Variants in EXOSC10 observed in about 807,000 individuals in gnomAD.
EXOSC10 encodes exosome component 10.
A neutral mutation model predicts 126.6 loss-of-function variants in EXOSC10; 94 were observed. The observed-to-expected ratio is 0.74, with a 90% confidence interval of 0.63 to 0.88. The LOEUF (loss-of-function observed/expected upper bound fraction) is 0.88, where lower values mean the gene tolerates loss of function less well. EXOSC10 is among the 40% of genes least tolerant of loss of function. The pLI is 0.00. For synonymous variants in EXOSC10, 395 were observed against 400.8 expected (o/e 0.99, Z 0.17); for missense variants, 1,041 against 1,100.5 (o/e 0.95, Z 0.77).
chr1:11,077,277 C>T, intron 16 of EXOSC10, 88 bp downstream of exon 16: 1 of 1,382,020 alleles, frequency 7.2e-7, no homozygotes, highest in Admixed American at 1.9e-5. Flanking sequence ...AGGCATAAGC[C>T]ACCACGCCCG....
intron 3 of EXOSC10, among the ~76,000 whole-genome samples, chr1:11,094,807 G>A (rs1321797865): frequency 2.0e-5 from 3 of 151,884 alleles, no homozygotes; most frequent in Admixed American, 2.0e-4. Flanking sequence ...CACCATGTTG[G>A]CCAGACTGGT....
rs572252392 is a variant in EXOSC10 at position 11,082,327 on chromosome 1, G to A, written c.1280+361C>T. On this transcript the variant is annotated intron_variant, in intron 10 of 24. Transcript: ENST00000376936. ...TTTCCCACCTATGGAAGGTCATCTTGCACACACACACACACACACAATCAT... is the reference window on the plus strand; with the variant it reads ...TTTCCCACCTATGGAAGGTCATCTTACACACACACACACACACACAATCAT... 8.1e-3 allele frequency among the ~76,000 whole-genome samples: 1,212 copies of A among 149,498 alleles called. 25 individuals are homozygous for A. Among genetic ancestry groups the A allele is most frequent in the African/African-American group, 0.028 (1,145 of 40,824 alleles).
In EXOSC10 at chr1:11,066,692, C is replaced by G. The variant is rs1374748169; in HGVS notation, c.*26G>C. On this transcript the variant is annotated 3_prime_UTR_variant, in exon 25 of 25. Coordinates refer to ENST00000376936, the MANE Select transcript of EXOSC10 (RefSeq NM_001001998.3). ...AGCACCAGCATTTGGTGCTTCCGGT[C>G]CACAGGCGCCACGTGTCTTCCAGGA... 6.2e-7 allele frequency: 1 copy of G among 1,613,894 alleles called. No homozygotes were observed. The highest frequency in any genetic ancestry group is 8.5e-7 in the Non-Finnish European group (1 of 1,179,768).
intron 9 of EXOSC10, among the ~76,000 whole-genome samples, chr1:11,083,420 G>A (rs1180387356): frequency 1.3e-5 from 2 of 151,904 alleles, no homozygotes; most frequent in African/African-American, 2.4e-5. Flanking sequence ...AAATTAGCCG[G>A]GTGTGGTGGC....
At chr1:11,095,989 T>A in intron 2 of EXOSC10, 108 bp from the exon 3 acceptor site, 2 of 249,624 alleles carry the variant, frequency 8.0e-6, no homozygotes, top group Non-Finnish European at 1.3e-5. Flanking sequence ...CCAACACATC[T>A]TTTTTTTTTT....
rs759223353 is a variant in EXOSC10, at chr1:11,087,744, A to G, written c.945+56T>C. On this transcript the variant is annotated intron_variant, in intron 8 of 24. Coordinates refer to ENST00000376936, the MANE Select transcript of EXOSC10 (RefSeq NM_001001998.3). The stretch of plus-strand genomic sequence containing the variant: ...TTAGTATTAATTTTATACTTCTCCA[A>G]CAGGTGAACTCACAGAAAAATGTAA... 1.1e-4 allele frequency: 162 copies of G among 1,499,168 alleles called. 2 individuals are homozygous for G. The Middle Eastern group carries it at 1.6e-3, about 15-fold the overall frequency. The allele number at this position is 1,499,168 out of a possible 1,614,324, so 92.9% of individuals were successfully genotyped here.
intron 17 of EXOSC10, among the ~76,000 whole-genome samples, chr1:11,076,502 C>T (rs148821124): frequency 2.5e-4 from 38 of 152,332 alleles, no homozygotes; most frequent in South Asian, 4.1e-4. Flanking sequence ...TTTTCCTCCA[C>T]CACCACTGCA....
chr1:11,072,973 T>C (rs1639594306), intron 19 of EXOSC10: 1 of 152,168 alleles, frequency 6.6e-6, no homozygotes, highest in South Asian at 2.1e-4. Flanking sequence ...AGATAGAGTG[T>C]TTTAAAATTA....
intron 13 of EXOSC10, 124 bp downstream of exon 13, chr1:11,080,375 C>T: frequency 8.1e-7 from 1 of 1,231,312 alleles, no homozygotes; most frequent in Non-Finnish European, 1.2e-6. Flanking sequence ...TTGCTACCTT[C>T]CAAGCTTGGA....
At chr1:11,078,237 C>T (rs974062598) in intron 14 of EXOSC10, among the ~76,000 whole-genome samples, 1 of 151,914 alleles carries the variant, frequency 6.6e-6, no homozygotes, top group Non-Finnish European at 1.5e-5. Context: ...TGCACTCCAG[C>T]CTGGGTGTCA....
chr1:11,079,549 C>T (rs190345277), intron 14 of EXOSC10, among the ~76,000 whole-genome samples, 162 bp downstream of exon 14: 6 of 151,282 alleles, frequency 4.0e-5, no homozygotes, highest in East Asian at 2.0e-4. Context: ...GTGCACCACA[C>T]GCCTGGCTAA....
In EXOSC10 at chr1:11,095,769, G is replaced by T; in HGVS notation, c.361C>A (p.Leu121Met). The T allele has an allele frequency of 6.2e-7, 1 of 1,614,042 alleles. No individual in the cohort carries two copies. ...GGGAAAATACTCACCACTCTCTCCA[G>T]AATTACATCATTGGCATCAACTAGT... ...DLLVDANDVILERVGILLDEA... is the reference protein window; with the variant it reads ...DLLVDANDVIMERVGILLDEA... The change falls in exon 3 of 25, where the codon CTG becomes ATG. Residue 121 changes from leucine to methionine, a missense_variant. Transcript: ENST00000376936.
chr1:11,099,725 A>C lies in EXOSC10; in HGVS notation c.107T>G (p.Val36Gly). 1 of 1,607,692 alleles carries C rather than the reference A, an allele frequency of 6.2e-7. No homozygotes were observed. Among genetic ancestry groups the C allele is most frequent in the South Asian group, 1.1e-5 (1 of 90,584 alleles). ...CCCGAGGCCCCGCGAACTCACCTTC[A>C]CAAAGCTGTCGGCGTCCGGGAAGCC... ...LPGFPDADSF[V>G]KFALGSVVAV... is the part of the protein sequence containing the mutation. Residue 36 changes from valine (V) to glycine (G), a missense_variant, in exon 1 of 25, where the codon GTG becomes GGG. This residue lies in a region of EXOSC10 where 645 missense variants were observed against 656.3 expected (regional missense o/e 0.98). Transcript: ENST00000376936.
At chr1:11,075,916 A>C (rs1457099017) in intron 17 of EXOSC10, among the ~76,000 whole-genome samples, 1 of 146,072 alleles carries the variant, frequency 6.8e-6, no homozygotes, top group East Asian at 2.0e-4. Context: ...CTGTAATCCC[A>C]GCACTTTGGG....
At chr1:11,071,496 C>G (rs1639487740) in intron 20 of EXOSC10, 1 of 167,116 alleles carries the variant, frequency 6.0e-6, no homozygotes, top group Non-Finnish European at 1.3e-5. Flanking sequence ...AGCCACCATC[C>G]CCTCTCGCCT....
chr1:11,093,750 CTT>C (rs1306508187), intron 3 of EXOSC10, among the ~76,000 whole-genome samples: 8 of 152,118 alleles, frequency 5.3e-5, no homozygotes, highest in South Asian at 2.1e-4. Context: ...ATAAATGCCT[CTT>C]CTTTTGCAAC....
chr1:11,090,485 C>T (rs1640741566), intron 6 of EXOSC10, 69 bp downstream of exon 6: 2 of 1,274,604 alleles, frequency 1.6e-6, no homozygotes, highest in African/African-American at 2.9e-5. Context: ...GTATATACTC[C>T]ACAAAAGTGA....
intron 22 of EXOSC10, among the ~76,000 whole-genome samples, chr1:11,069,227 C>CTGTGTGTGTGTGTGTGTG (rs146028725): frequency 4.0e-4 from 54 of 135,366 alleles, no homozygotes; most frequent in Admixed American, 5.6e-4. Context: ...AAACAAAATT[C>CTGTGTGTGTGTGTGTGTG]TGTGTGTGTG....
chr1:11,072,266 T>G (rs1190551796), intron 19 of EXOSC10, 95 bp from the exon 20 acceptor site: 20 of 813,064 alleles, frequency 2.5e-5, no homozygotes, highest in Non-Finnish European at 4.1e-5. Flanking sequence ...CAGGTTAACC[T>G]AAGAAGTACA....
Sources: gnomAD v4.1 joint callset for allele counts (sites outside exome capture counted in the v4.1 genomes callset) on GRCh38, gnomAD v4.1.1 for gene constraint, gnomAD v4.1.1 regional missense constraint, MANE v1.5 for transcripts, NCBI Gene and HGNC (gene_info 2026-07-23, HGNC 2026-07-21) for gene names.